The following SPAG16 variants were observed in gnomAD, a reference collection of about 807,000 sequenced individuals.
SPAG16 encodes the protein sperm associated antigen 16.
SPAG16 carries 86 observed loss-of-function variants against 80.4 expected under a neutral mutation model. That is an observed-to-expected ratio of 1.07 (90% CI 0.90 to 1.28). The LOEUF is 1.28. Among genes scored for constraint, SPAG16 ranks in the 50% most tolerant of loss-of-function variants. The probability of loss-of-function intolerance (pLI) is 0.00; values close to 1 mark genes in which losing one functional copy is unlikely to be tolerated. For missense variants in SPAG16, 870 were observed against 765.3 expected (o/e 1.14, Z -1.61); for synonymous variants, 294 against 265.9 (o/e 1.11, Z -1.03).
chr2:214,387,706 G>A (rs920465901), intron 15 of SPAG16, among the ~76,000 whole-genome samples: 6 of 152,300 alleles, frequency 3.9e-5, no homozygotes, highest in Middle Eastern at 3.4e-3. Context: ...CATGGTAGAA[G>A]GGGAAGCAAA....
At chr2:213,485,534 C>G (rs190816404) in intron 9 of SPAG16, among the ~76,000 whole-genome samples, 1 of 151,840 alleles carries the variant, frequency 6.6e-6, no homozygotes, top group African/African-American at 2.4e-5. Context: ...CATATTTCTA[C>G]TCTAGCTTTT....
chr2:213,648,321 A>AT (rs2062897300), intron 10 of SPAG16, among the ~76,000 whole-genome samples: 1 of 152,156 alleles, frequency 6.6e-6, no homozygotes, highest in Non-Finnish European at 1.5e-5. Context: ...TCAAAAAAAA[A>AT]TGTAGCACAG....
chr2:213,864,271 T>C (rs751958418), intron 11 of SPAG16, among the ~76,000 whole-genome samples: 14 of 152,136 alleles, frequency 9.2e-5, no homozygotes, highest in Non-Finnish European at 1.8e-4. Flanking sequence ...TTGGAATTTA[T>C]GTTTCCTGGA....
At chr2:214,078,953 C>A (rs1415519478) in intron 13 of SPAG16, among the ~76,000 whole-genome samples, 2 of 152,056 alleles carry the variant, frequency 1.3e-5, no homozygotes, top group African/African-American at 4.8e-5. Flanking sequence ...GCCCTTCCTG[C>A]AGTAGAAAAA....
intron 15 of SPAG16, among the ~76,000 whole-genome samples, chr2:214,397,362 G>A (rs1701456556): frequency 6.6e-6 from 1 of 151,982 alleles, no homozygotes; most frequent in Non-Finnish European, 1.5e-5. Flanking sequence ...GTTTTGCCAC[G>A]TTGGCCAGGA....
intron 10 of SPAG16, among the ~76,000 whole-genome samples, chr2:213,600,786 C>T (rs1198721612): frequency 6.6e-6 from 1 of 152,212 alleles, no homozygotes; most frequent in African/African-American, 2.4e-5. Context: ...TTTAAAGACA[C>T]TCTCTGTCCT....
intron 3 of SPAG16, among the ~76,000 whole-genome samples, chr2:213,305,549 G>T (rs1476108823): frequency 6.6e-6 from 1 of 152,032 alleles, no homozygotes; most frequent in Non-Finnish European, 1.5e-5. Context: ...CATGTTTTTT[G>T]AGGGTTTCTA....
At chr2:213,877,017 T>C (rs1286144805) in intron 11 of SPAG16, among the ~76,000 whole-genome samples, 5 of 152,318 alleles carry the variant, frequency 3.3e-5, no homozygotes, top group African/African-American at 1.2e-4. Context: ...AACTATATAG[T>C]TAAGTCTTTT....
chr2:213,856,111 T>C (rs910128991), intron 10 of SPAG16, among the ~76,000 whole-genome samples: 1 of 152,150 alleles, frequency 6.6e-6, no homozygotes, highest in Non-Finnish European at 1.5e-5. Context: ...AGGCAGTTGG[T>C]AAATATACCC....
chr2:214,075,264 T>G (rs1028544267), intron 13 of SPAG16, among the ~76,000 whole-genome samples: 2 of 151,824 alleles, frequency 1.3e-5, no homozygotes, highest in Non-Finnish European at 2.9e-5. Flanking sequence ...AATAATACAT[T>G]TTGTGGCCCA....
At chr2:213,435,510 T>A (rs1165730608) in intron 9 of SPAG16, among the ~76,000 whole-genome samples, 2 of 152,102 alleles carry the variant, frequency 1.3e-5, no homozygotes, top group African/African-American at 4.8e-5. Context: ...GTAACAAAAC[T>A]GCACGTGTAA....
intron 9 of SPAG16, among the ~76,000 whole-genome samples, chr2:213,379,375 A>G (rs2067049425): frequency 6.6e-6 from 1 of 152,208 alleles, no homozygotes; most frequent in South Asian, 2.1e-4. Flanking sequence ...TGTGACTTCA[A>G]AAGGCAATTC....
At chr2:214,042,446 A>G (rs1287223664) in intron 13 of SPAG16, among the ~76,000 whole-genome samples, 2 of 151,848 alleles carry the variant, frequency 1.3e-5, no homozygotes, top group African/African-American at 4.8e-5. Flanking sequence ...CAACAACAAC[A>G]ACAACAACAA....
chr2:213,911,342 A>C (rs373288934), intron 11 of SPAG16, among the ~76,000 whole-genome samples: 1 of 152,036 alleles, frequency 6.6e-6, no homozygotes, highest in Non-Finnish European at 1.5e-5. Flanking sequence ...ACGAGGTTTC[A>C]CAGTGTTGCC....
chr2:214,122,046 T>C (rs2054246085), intron 14 of SPAG16, among the ~76,000 whole-genome samples: 1 of 151,756 alleles, frequency 6.6e-6, no homozygotes, highest in Non-Finnish European at 1.5e-5. Flanking sequence ...TTCAAATAAG[T>C]AGAAGTAAAT....
intron 10 of SPAG16, among the ~76,000 whole-genome samples, chr2:213,637,082 C>T (rs2062390502): frequency 6.6e-6 from 1 of 152,158 alleles, no homozygotes; most frequent in South Asian, 2.1e-4. Context: ...ATAATGTTGG[C>T]TGTGGGTTTG....
chr2:214,108,340 T>C, intron 14 of SPAG16, 79 bp downstream of exon 14: 2 of 1,200,728 alleles, frequency 1.7e-6, no homozygotes, highest in South Asian at 1.3e-5. Context: ...ATTTCCAAGC[T>C]AAAATGGTAA....
intron 10 of SPAG16, among the ~76,000 whole-genome samples, chr2:213,789,322 T>C (rs1246532840): frequency 6.6e-6 from 1 of 151,984 alleles, no homozygotes; most frequent in East Asian, 1.9e-4. Context: ...AGCATTTTAA[T>C]AAATTTGACT....
At chr2:213,406,660 A>G (rs60435896) in intron 9 of SPAG16, among the ~76,000 whole-genome samples, 11,291 of 152,236 alleles carry the variant, frequency 0.074, 1,379 homozygotes, top group African/African-American at 0.25. Context: ...TGTGCTCACC[A>G]TTGTTCCATC....
Sources: gnomAD v4.1 joint callset for allele counts (sites outside exome capture counted in the v4.1 genomes callset) on GRCh38, gnomAD v4.1.1 for gene constraint, MANE v1.5 for transcripts, NCBI Gene and HGNC (gene_info 2026-07-23, HGNC 2026-07-21) for gene names.